Variants in PLAAT5 observed in about 807,000 individuals in gnomAD.
PLAAT5 encodes the protein phospholipase A and acyltransferase 5, also known as Ca(2+)-independent N-acyltransferase.
Under a neutral mutation model 27.8 loss-of-function variants are expected in PLAAT5, and 27 were observed. That is an observed-to-expected ratio of 0.97 (90% confidence interval 0.72 to 1.34). The LOEUF (loss-of-function observed/expected upper bound fraction) is 1.34, where lower values mean the gene tolerates loss of function less well. Among genes scored for constraint, PLAAT5 ranks in the 40% most tolerant of loss-of-function variants. The probability of loss-of-function intolerance (pLI) is 0.00; values close to 1 mark genes in which losing one functional copy is unlikely to be tolerated. For missense variants in PLAAT5, 368 were observed against 343.8 expected (o/e 1.07, Z -0.56); for synonymous variants, 125 against 136.1 (o/e 0.92, Z 0.57).
chr11:63,482,405 C>G (rs1010024751), intron 3 of PLAAT5, among the ~76,000 whole-genome samples: 1 of 152,214 alleles, frequency 6.6e-6, no homozygotes, highest in African/African-American at 2.4e-5. Context: ...AATAGGTTAA[C>G]AGCAGATTGC....
chr11:63,483,773 A>T (rs1192884682), intron 3 of PLAAT5, among the ~76,000 whole-genome samples: 1 of 103,194 alleles, frequency 9.7e-6, no homozygotes, highest in Non-Finnish European at 1.8e-5. Context: ...ATGAAATTGA[A>T]GCAAAAAAAA....
intron 3 of PLAAT5, among the ~76,000 whole-genome samples, chr11:63,486,322 A>G (rs2016432162): frequency 6.6e-6 from 1 of 152,206 alleles, no homozygotes; most frequent in Non-Finnish European, 1.5e-5. Context: ...TGAAAAAGGC[A>G]CTTGCACATG....
At chr11:63,489,258 A>T (rs2120351324) in intron 2 of PLAAT5, among the ~76,000 whole-genome samples, 1 of 152,328 alleles carries the variant, frequency 6.6e-6, no homozygotes, top group South Asian at 2.1e-4. Flanking sequence ...TATCAAAGTG[A>T]TACTTGCACA....
At chr11:63,483,807 A>G (rs1343956751) in intron 3 of PLAAT5, among the ~76,000 whole-genome samples, 54 of 59,770 alleles carry the variant, frequency 9.0e-4, no homozygotes, top group East Asian at 4.3e-3. Context: ...ATATGTATAT[A>G]TATATATATA....
chr11:63,474,004 A>G (rs553860893), intron 3 of PLAAT5, among the ~76,000 whole-genome samples: 2 of 152,278 alleles, frequency 1.3e-5, no homozygotes, highest in East Asian at 1.9e-4. Flanking sequence ...CAGCCCTGGT[A>G]TATTACATTA....
intron 3 of PLAAT5, 37 bp downstream of exon 3, chr11:63,488,834 T>TAG: frequency 6.9e-7 from 1 of 1,441,710 alleles, no homozygotes; most frequent in Non-Finnish European, 9.8e-7. Context: ...GCCAGGAGGT[T>TAG]AAAGATAGTC....
At chr11:63,483,785 ATATATATAT>A (rs1442015963) in intron 3 of PLAAT5, among the ~76,000 whole-genome samples, 1 of 88,620 alleles carries the variant, frequency 1.1e-5, no homozygotes, top group Admixed American at 1.4e-4. Context: ...CAAAAAAAAA[ATATATATAT>A]ATATATGTAT....
chr11:63,477,915 G>A (rs1266754126), intron 3 of PLAAT5, among the ~76,000 whole-genome samples: 1 of 152,164 alleles, frequency 6.6e-6, no homozygotes, highest in Non-Finnish European at 1.5e-5. Context: ...AGATTTTTAT[G>A]AGTCTCCAGT....
intron 3 of PLAAT5, among the ~76,000 whole-genome samples, chr11:63,476,469 C>T (rs75043826): frequency 0.07 from 10,619 of 152,124 alleles, 801 homozygotes; most frequent in African/African-American, 0.18. Flanking sequence ...TTGCAAGATA[C>T]ATTACTGGAT....
At chr11:63,466,471 T>A in intron 4 of PLAAT5, 99 bp from the exon 5 acceptor site, 1 of 1,214,868 alleles carries the variant, frequency 8.2e-7, no homozygotes, top group Non-Finnish European at 1.1e-6. Flanking sequence ...GGAGTCTCAT[T>A]GGCACCATCA....
intron 4 of PLAAT5, 25 bp downstream of exon 4, chr11:63,468,330 GTA>G: frequency 6.7e-7 from 1 of 1,486,792 alleles, no homozygotes; most frequent in Non-Finnish European, 9.4e-7. Context: ...TTCAATATCA[GTA>G]TTTCAATAGA....
intron 5 of PLAAT5, 46 bp from the exon 6 acceptor site, chr11:63,463,641 C>T: frequency 1.3e-6 from 2 of 1,489,942 alleles, no homozygotes; most frequent in Non-Finnish European, 1.9e-6. Context: ...CAATCCTAGG[C>T]TTGCACCCTC....
chr11:63,465,039 A>T (rs1460853554), intron 5 of PLAAT5, among the ~76,000 whole-genome samples: 1 of 152,170 alleles, frequency 6.6e-6, no homozygotes, highest in African/African-American at 2.4e-5. Context: ...GCACTTTGGG[A>T]GGCCGAGGCG....
Position 63,461,555 on chromosome 11 carries a change from A to G in PLAAT5, c.*1948T>C, listed in dbSNP as rs1331492943. ...ACCCGAGTGGTCCCACTCAAAAAAG[A>G]GATTTCTGTTTCTACCTCAAAATGC... On this transcript the variant is annotated 3_prime_UTR_variant, in exon 6 of 6. Coordinates refer to ENST00000540857, the MANE Select transcript of PLAAT5 (RefSeq NM_001146729.2). The G allele has an allele frequency of 6.6e-6, 1 of 152,202 alleles. No homozygotes were observed. The highest frequency in any genetic ancestry group is 1.5e-5 in the Non-Finnish European group (1 of 68,036). The allele number at this position is 152,202 out of a possible 1,614,324, so 9.4% of individuals were successfully genotyped here. A position where few individuals can be genotyped will look rare whatever the true frequency, so the allele number is the denominator to read the frequency against.
At position 63,462,190 on chromosome 11, in the gene PLAAT5, C is replaced by G. The variant is rs528388218; in HGVS notation, c.*1313G>C. 5.3e-5 allele frequency: 8 copies of G among 152,264 alleles called. No homozygotes were observed. Among genetic ancestry groups the G allele is most frequent in the Admixed American group, 5.2e-4 (8 of 15,304 alleles). 9.4% of individuals were successfully genotyped at this position (152,264 alleles called of 1,614,324 possible). A position where few individuals can be genotyped will look rare whatever the true frequency, so the allele number is the denominator to read the frequency against. ...AAATATACTTTATAAAATATGAGTT[C>G]CTGGTACTCAGGTTCTGCTTCCAAG... On this transcript the variant is annotated 3_prime_UTR_variant, in exon 6 of 6. Coordinates refer to ENST00000540857, the MANE Select transcript of PLAAT5 (RefSeq NM_001146729.2).
intron 3 of PLAAT5, among the ~76,000 whole-genome samples, chr11:63,483,400 T>A (rs1202447855): frequency 6.6e-6 from 1 of 151,868 alleles, no homozygotes; most frequent in Non-Finnish European, 1.5e-5. Flanking sequence ...CGAAAATATA[T>A]CAAGTACCCT....
At chr11:63,483,933 A>G (rs1292144333) in intron 3 of PLAAT5, among the ~76,000 whole-genome samples, 3 of 147,022 alleles carry the variant, frequency 2.0e-5, no homozygotes, top group Non-Finnish European at 4.5e-5. Context: ...AGAAAAGAGA[A>G]GAGATCCAAA....
intron 3 of PLAAT5, among the ~76,000 whole-genome samples, chr11:63,483,800 T>TAC: frequency 4.0e-5 from 2 of 50,554 alleles, no homozygotes; most frequent in Non-Finnish European, 5.9e-5. Flanking sequence ...TATATATATA[T>TAC]GTATATATAT....
intron 3 of PLAAT5, among the ~76,000 whole-genome samples, chr11:63,487,234 C>T (rs2016457717): frequency 3.3e-5 from 5 of 152,080 alleles, no homozygotes; most frequent in Admixed American, 3.3e-4. Flanking sequence ...CTGAAGAACT[C>T]TCAAAACATA....
Sources: allele counts gnomAD v4.1 joint callset (sites outside exome capture counted in the v4.1 genomes callset), GRCh38; gene constraint gnomAD v4.1.1; transcripts MANE v1.5; gene names NCBI Gene and HGNC (gene_info 2026-07-23, HGNC 2026-07-21).